Variants in ARFGEF1 observed in about 807,000 individuals in gnomAD.
ARFGEF1 encodes the protein brefeldin A-inhibited guanine nucleotide-exchange protein 1.
In ARFGEF1, 42 loss-of-function variants were observed where a neutral mutation model predicts 231.0. The ratio of observed to expected loss-of-function variants is 0.18; its 90% CI spans 0.14 to 0.24. The LOEUF (loss-of-function observed/expected upper bound fraction) is 0.24, where lower values mean the gene tolerates loss of function less well. Ranked by LOEUF, ARFGEF1 falls within the 10% of genes least tolerant of loss-of-function variation. ARFGEF1 has a pLI of 1.00. For synonymous variants in ARFGEF1, 710 were observed against 732.3 expected (o/e 0.97, Z 0.49); for missense variants, 1,345 against 2,192.0 (o/e 0.61, Z 7.72).
intron 36 of ARFGEF1, 90 bp downstream of exon 36, chr8:67,202,993 T>C (rs1280115655): frequency 2.2e-6 from 3 of 1,348,542 alleles, no homozygotes; most frequent in East Asian, 2.3e-5. Flanking sequence ...CACAGACCTA[T>C]AGCAGACAGT....
chr8:67,212,722 T>C lies in ARFGEF1; in HGVS notation c.4687-1107A>G, dbSNP rs556825443. 2.7e-5 allele frequency among the ~76,000 whole-genome samples: 4 copies of C among 149,136 alleles called. No individual in the cohort carries two copies. The East Asian group carries it at 7.7e-4, about 29-fold the overall frequency. On this transcript the variant is annotated intron_variant, in intron 33 of 38. Transcript: ENST00000262215. ...GAAGATGGGCCTGTGTTACCAGAAATAGTAATAATCAAAACAATACGTTAG... is the reference window on the plus strand; with the variant it reads ...GAAGATGGGCCTGTGTTACCAGAAACAGTAATAATCAAAACAATACGTTAG...
At chr8:67,195,312 A>C, downstream of ARFGEF1, 1 of 913,754 alleles carries the variant, frequency 1.1e-6, no homozygotes, top group Non-Finnish European at 1.8e-6. Flanking sequence ...TTGGACTACA[A>C]GAGACCTGCG....
chr8:67,332,125 GAAATAT>G (rs1325968291), intron 1 of ARFGEF1, among the ~76,000 whole-genome samples: 2 of 152,238 alleles, frequency 1.3e-5, no homozygotes, highest in African/African-American at 4.8e-5. Context: ...AAATGCACAT[GAAATAT>G]TGATGAGAGA....
At chr8:67,247,889 T>C (rs1278853432) in intron 19 of ARFGEF1, among the ~76,000 whole-genome samples, 2 of 150,264 alleles carry the variant, frequency 1.3e-5, no homozygotes, top group Non-Finnish European at 1.5e-5. Flanking sequence ...ACATACAAAA[T>C]TCAGTAGCAT....
intron 19 of ARFGEF1, among the ~76,000 whole-genome samples, chr8:67,245,117 C>T (rs1840064551): frequency 6.6e-6 from 1 of 150,528 alleles, no homozygotes; most frequent in African/African-American, 2.5e-5. Context: ...GAAAATAGTA[C>T]ATATCTGGTG....
At chr8:67,305,431 C>A (rs753314220) in intron 1 of ARFGEF1, among the ~76,000 whole-genome samples, 8 of 152,148 alleles carry the variant, frequency 5.3e-5, no homozygotes, top group Non-Finnish European at 8.8e-5. Context: ...AAAGCTTGCT[C>A]TTGTTGCTCG....
intron 23 of ARFGEF1, among the ~76,000 whole-genome samples, chr8:67,229,871 G>A (rs1839499199): frequency 1.3e-5 from 2 of 152,016 alleles, no homozygotes; most frequent in African/African-American, 2.4e-5. Flanking sequence ...TGAGAAGAAA[G>A]CAAATGGCAA....
intron 18 of ARFGEF1, 109 bp downstream of exon 18, chr8:67,253,342 G>T: frequency 1.4e-6 from 1 of 696,122 alleles, no homozygotes; most frequent in African/African-American, 1.8e-5. Flanking sequence ...TCCCTGAGTA[G>T]CTGGGGACTA....
At chr8:67,258,542 G>C (rs1840537466) in intron 15 of ARFGEF1, among the ~76,000 whole-genome samples, 1 of 151,860 alleles carries the variant, frequency 6.6e-6, no homozygotes, top group South Asian at 2.1e-4. Flanking sequence ...TGGCCAGGCT[G>C]GTCTCCTGAC....
intron 7 of ARFGEF1, among the ~76,000 whole-genome samples, chr8:67,284,684 G>T (rs76751049): frequency 0.03 from 4,629 of 152,228 alleles, 101 homozygotes; most frequent in Middle Eastern, 0.061. Context: ...CAACCTTGTG[G>T]TATTGGACGT....
chr8:67,314,589 C>A (rs1807219586), intron 1 of ARFGEF1, among the ~76,000 whole-genome samples: 1 of 152,170 alleles, frequency 6.6e-6, no homozygotes, highest in Non-Finnish European at 1.5e-5. Context: ...CCCTTTCCCA[C>A]TTCTGCAGTT....
intron 17 of ARFGEF1, among the ~76,000 whole-genome samples, chr8:67,255,440 C>G (rs2128887642): frequency 6.6e-6 from 1 of 152,068 alleles, no homozygotes; most frequent in East Asian, 1.9e-4. Context: ...TTTTTAATCA[C>G]TGACTCACCA....
chr8:67,201,171 A>T (rs937775326), intron 37 of ARFGEF1, among the ~76,000 whole-genome samples: 1 of 152,230 alleles, frequency 6.6e-6, no homozygotes, highest in African/African-American at 2.4e-5. Flanking sequence ...CACTTATACA[A>T]ATGATCTGTA....
At chr8:67,322,073 G>A (rs16933261) in intron 1 of ARFGEF1, among the ~76,000 whole-genome samples, 3,648 of 152,174 alleles carry the variant, frequency 0.024, 131 homozygotes, top group African/African-American at 0.082. Context: ...TGCTCAAATG[G>A]TGTCCTCTGC....
chr8:67,292,136 A>T lies in ARFGEF1; in HGVS notation c.640-13T>A. Reference sequence around the variant, plus strand: ...TTGCTTCCTGTAACTGGAAATAAATAAAATTTCCAATATTAGTAAAATAAG... The same window carrying T: ...TTGCTTCCTGTAACTGGAAATAAATTAAATTTCCAATATTAGTAAAATAAG... On this transcript the variant is annotated splice_polypyrimidine_tract_variant and intron_variant, in intron 5 of 38. Transcript: ENST00000262215. 6.2e-7 allele frequency: 1 copy of T among 1,600,842 alleles called. No individual in the cohort carries two copies. The highest frequency in any genetic ancestry group is 1.3e-5 in the African/African-American group (1 of 74,272).
chr8:67,255,742 A>G (rs1840433717), intron 17 of ARFGEF1, among the ~76,000 whole-genome samples: 1 of 152,250 alleles, frequency 6.6e-6, no homozygotes. Context: ...GACACCAGGC[A>G]GCAAGCTGAT....
At chr8:67,291,804 T>C in intron 6 of ARFGEF1, 43 bp downstream of exon 6, 1 of 1,583,152 alleles carries the variant, frequency 6.3e-7, no homozygotes. Flanking sequence ...TCCTACACAT[T>C]TCCCTTAACA....
chr8:67,314,872 A>C (rs559422898), intron 1 of ARFGEF1, among the ~76,000 whole-genome samples: 1 of 152,150 alleles, frequency 6.6e-6, no homozygotes, highest in South Asian at 2.1e-4. Flanking sequence ...CCAACTCTAT[A>C]AAAAAATTTA....
At chr8:67,185,164 G>A (rs1289330917) in intron 5 of ARFGEF1, among the ~76,000 whole-genome samples, 1 of 151,708 alleles carries the variant, frequency 6.6e-6, no homozygotes, top group Non-Finnish European at 1.5e-5. Flanking sequence ...TAGTCCAAGA[G>A]CCTGGTGTGA....
Sources: gnomAD v4.1 joint callset for allele counts (sites outside exome capture counted in the v4.1 genomes callset) on GRCh38, gnomAD v4.1.1 for gene constraint, MANE v1.5 for transcripts, NCBI Gene and HGNC (gene_info 2026-07-23, HGNC 2026-07-21) for gene names.